Variants in FBXO47 observed in about 807,000 individuals in gnomAD.
FBXO47 encodes the protein F-box protein 47, also known as F-box only protein 47.
FBXO47 carries 34 observed loss-of-function variants against 53.9 expected under a neutral mutation model. The observed-to-expected ratio is 0.63, with a 90% CI of 0.48 to 0.84. The LOEUF (loss-of-function observed/expected upper bound fraction) is 0.84, where lower values mean the gene tolerates loss of function less well. Ranked by LOEUF, FBXO47 falls within the 40% of genes least tolerant of loss-of-function variation. The pLI is 0.00. For synonymous variants in FBXO47, 165 were observed against 181.6 expected (o/e 0.91, Z 0.73); for missense variants, 485 against 541.3 (o/e 0.90, Z 1.03).
At chr17:38,947,736 C>T (rs112695808) in intron 6 of FBXO47, among the ~76,000 whole-genome samples, 3,964 of 152,068 alleles carry the variant, frequency 0.026, 173 homozygotes, top group African/African-American at 0.09. Context: ...GGTGAAATCC[C>T]GTCTTTACTA....
At chr17:38,954,777 A>C in intron 5 of FBXO47, 79 bp downstream of exon 5, 1 of 778,282 alleles carries the variant, frequency 1.3e-6, no homozygotes, top group Non-Finnish European at 2.1e-6. Context: ...TTATTAACCT[A>C]TGAAAAGAGA....
intron 3 of FBXO47, among the ~76,000 whole-genome samples, chr17:38,957,959 G>A (rs1004399753): frequency 7.2e-5 from 11 of 151,888 alleles, no homozygotes; most frequent in Admixed American, 2.0e-4. Context: ...TCAGCCTCCC[G>A]AGTAGCTGGG....
At chr17:38,946,065 A>AATATATATTTATATATAAATAC (rs1490729854) in intron 6 of FBXO47, among the ~76,000 whole-genome samples, 3 of 128,936 alleles carry the variant, frequency 2.3e-5, no homozygotes, top group African/African-American at 9.0e-5. Flanking sequence ...TAAATACATA[A>AATATATATTTATATATAAATAC]ATATATATTT....
chr17:38,950,282 T>C (rs1284283796), intron 6 of FBXO47, among the ~76,000 whole-genome samples: 7 of 152,086 alleles, frequency 4.6e-5, no homozygotes, highest in Non-Finnish European at 1.0e-4. Context: ...TATTTGTCCC[T>C]GTGTTCCTGG....
At chr17:38,944,360 A>G (rs1904647883) in intron 7 of FBXO47, among the ~76,000 whole-genome samples, 1 of 151,678 alleles carries the variant, frequency 6.6e-6, no homozygotes, top group Admixed American at 6.6e-5. Flanking sequence ...ACCCTGCAGG[A>G]GATCGAGACC....
intron 1 of FBXO47, 32 bp from the exon 2 acceptor site, chr17:38,963,083 A>G: frequency 7.5e-7 from 1 of 1,340,132 alleles, no homozygotes; most frequent in East Asian, 2.3e-5. Context: ...AAGAGACAAG[A>G]AAGAAAGGAA....
chr17:38,954,066 G>A (rs972238937), intron 5 of FBXO47, among the ~76,000 whole-genome samples: 2 of 152,082 alleles, frequency 1.3e-5, no homozygotes, highest in African/African-American at 4.8e-5. Flanking sequence ...GCCGAGGTGG[G>A]TGGATTGCTT....
intron 6 of FBXO47, among the ~76,000 whole-genome samples, chr17:38,946,067 T>C: frequency 7.9e-6 from 1 of 126,998 alleles, no homozygotes; most frequent in South Asian, 2.3e-4. Context: ...AATACATAAA[T>C]ATATATTTAT....
At chr17:38,961,831 T>G (rs766539271) in intron 3 of FBXO47, 46 bp downstream of exon 3, 10 of 1,531,546 alleles carry the variant, frequency 6.5e-6, no homozygotes, top group African/African-American at 1.4e-5. Context: ...TTTCTCTTAA[T>G]TAAGCACAGT....
intron 5 of FBXO47, among the ~76,000 whole-genome samples, chr17:38,954,543 C>G: frequency 6.6e-6 from 1 of 152,098 alleles, no homozygotes. Context: ...CACACCACCT[C>G]ATAATATTTC....
chr17:38,959,380 C>T (rs908631314), intron 3 of FBXO47, among the ~76,000 whole-genome samples: 11 of 151,666 alleles, frequency 7.3e-5, no homozygotes, highest in South Asian at 2.1e-4. Flanking sequence ...GACAGGAGTT[C>T]GAGACCAGCC....
At chr17:38,948,829 T>A (rs1905066723) in intron 6 of FBXO47, among the ~76,000 whole-genome samples, 2 of 152,064 alleles carry the variant, frequency 1.3e-5, no homozygotes, top group African/African-American at 4.8e-5. Context: ...TAGGTATACA[T>A]GTGCCATGGT....
chr17:38,956,078 G>A (rs1365109169), intron 4 of FBXO47, among the ~76,000 whole-genome samples: 1 of 151,230 alleles, frequency 6.6e-6, no homozygotes, highest in Admixed American at 6.6e-5. Context: ...GGAGCTTGCA[G>A]TGAGCCGAGA....
chr17:38,959,728 C>T (rs914556948), intron 3 of FBXO47, among the ~76,000 whole-genome samples: 2 of 151,696 alleles, frequency 1.3e-5, no homozygotes, highest in African/African-American at 4.8e-5. Flanking sequence ...TCACTTCAGC[C>T]TCAACCTCTG....
chr17:38,950,588 C>T (rs572791358), intron 6 of FBXO47, among the ~76,000 whole-genome samples: 2 of 151,872 alleles, frequency 1.3e-5, no homozygotes, highest in East Asian at 3.9e-4. Context: ...GCATGAGCCA[C>T]TGCCCTCTGC....
intron 5 of FBXO47, among the ~76,000 whole-genome samples, chr17:38,953,785 A>G (rs1789581861): frequency 1.3e-5 from 2 of 152,190 alleles, no homozygotes; most frequent in African/African-American, 2.4e-5. Flanking sequence ...GAATTGTACA[A>G]GAATACATAC....
chr17:38,960,541 T>A (rs1468998816), intron 3 of FBXO47, among the ~76,000 whole-genome samples: 1 of 152,122 alleles, frequency 6.6e-6, no homozygotes, highest in Non-Finnish European at 1.5e-5. Context: ...AAAAATTTCT[T>A]TCAGATCAAA....
chr17:38,938,424 T>C, intron 10 of FBXO47, 149 bp downstream of exon 10: 1 of 546,708 alleles, frequency 1.8e-6, no homozygotes, highest in Admixed American at 3.1e-5. Context: ...CCTCTACTTA[T>C]TGTTAGTTTT....
chr17:38,949,696 G>C (rs1905139253), intron 6 of FBXO47, among the ~76,000 whole-genome samples: 1 of 152,110 alleles, frequency 6.6e-6, no homozygotes, highest in Non-Finnish European at 1.5e-5. Context: ...CGAACTTTCT[G>C]ATTCTAGCCA....
Sources: allele counts gnomAD v4.1 joint callset (sites outside exome capture counted in the v4.1 genomes callset), GRCh38; gene constraint gnomAD v4.1.1; transcripts MANE v1.5; gene names NCBI Gene and HGNC (gene_info 2026-07-23, HGNC 2026-07-21).